COLEC12: variants seen among roughly 807,000 people sequenced by gnomAD.
The protein encoded by COLEC12 is collectin subfamily member 12, also known as collectin-12.
In COLEC12, 33 loss-of-function variants were observed where a neutral mutation model predicts 71.1. The ratio of observed to expected loss-of-function variants is 0.46; its 90% CI spans 0.35 to 0.62. The LOEUF (loss-of-function observed/expected upper bound fraction) is 0.62, where lower values mean the gene tolerates loss of function less well. COLEC12 is among the 20% of genes least tolerant of loss of function. The pLI, the probability that COLEC12 is intolerant of heterozygous loss-of-function variation, is 0.00. For synonymous variants in COLEC12, 350 were observed against 353.0 expected (o/e 0.99, Z 0.10); for missense variants, 765 against 916.1 (o/e 0.84, Z 2.13).
chr18:403,565 C>T (rs1164111121), intron 2 of COLEC12, among the ~76,000 whole-genome samples: 1 of 152,164 alleles, frequency 6.6e-6, no homozygotes, highest in African/African-American at 2.4e-5. Flanking sequence ...GCTTGTTTTC[C>T]TTTCAGTGAC....
chr18:330,737 T>C (rs893335928), intron 8 of COLEC12, among the ~76,000 whole-genome samples: 9 of 152,154 alleles, frequency 5.9e-5, no homozygotes, highest in African/African-American at 1.9e-4. Flanking sequence ...TATTCTTTGT[T>C]GCTCCTTTCA....
At chr18:495,008 G>C (rs1917683732) in intron 1 of COLEC12, among the ~76,000 whole-genome samples, 1 of 152,186 alleles carries the variant, frequency 6.6e-6, no homozygotes. Context: ...GAATATTCAT[G>C]ACAAATTCAG....
chr18:381,914 A>G (rs1009104750), intron 2 of COLEC12, among the ~76,000 whole-genome samples: 8 of 152,188 alleles, frequency 5.3e-5, no homozygotes, highest in African/African-American at 1.4e-4. Flanking sequence ...ACCTCTCATC[A>G]GGAAAATAAT....
intron 2 of COLEC12, among the ~76,000 whole-genome samples, chr18:463,623 T>C (rs1348508771): frequency 6.6e-6 from 1 of 152,122 alleles, no homozygotes; most frequent in Non-Finnish European, 1.5e-5. Context: ...CCTTCGGATC[T>C]CAGTGGACAG....
chr18:471,313 G>T (rs140431497), intron 2 of COLEC12, among the ~76,000 whole-genome samples: 32 of 151,842 alleles, frequency 2.1e-4, no homozygotes, highest in Non-Finnish European at 4.3e-4. Flanking sequence ...TATTCACTAA[G>T]ATTTGGAACT....
Position 399,948 on chromosome 18 carries a change from C to T in COLEC12, c.59-42426G>A, listed in dbSNP as rs964289850. ...AACGCTTGTTAAAGGGTGGTGGGGG[C>T]GGGTGGGGGATAGTGACTGAAGAGG... On this transcript the variant is annotated intron_variant, in intron 2 of 9. Coordinates refer to ENST00000400256, the MANE Select transcript of COLEC12 (RefSeq NM_130386.3). This position sits in a 1 kb window ranked among gnomAD's most constrained non-coding sequence, Gnocchi z 4.0. 6.8e-6 allele frequency among the ~76,000 whole-genome samples: 1 copy of T among 146,720 alleles called. No individual in the cohort carries two copies.
intron 2 of COLEC12, among the ~76,000 whole-genome samples, chr18:406,381 C>A (rs1422281418): frequency 6.6e-6 from 1 of 151,438 alleles, no homozygotes; most frequent in Non-Finnish European, 1.5e-5. Context: ...CGGTGGCGGG[C>A]GCCTGTAGTC....
chr18:426,777 T>A (rs764706984), intron 2 of COLEC12, among the ~76,000 whole-genome samples: 18 of 152,190 alleles, frequency 1.2e-4, no homozygotes, highest in Admixed American at 9.2e-4. Context: ...TTTATTTCTT[T>A]CAACAATCAT....
At chr18:385,375 CGTTCA>C (rs1163052048) in intron 2 of COLEC12, among the ~76,000 whole-genome samples, 2 of 135,192 alleles carry the variant, frequency 1.5e-5, no homozygotes, top group Non-Finnish European at 3.0e-5. Flanking sequence ...CCCAGGCTGG[CGTTCA>C]GTGGTGCGAT....
At chr18:492,595 C>A (rs1484323498) in intron 1 of COLEC12, among the ~76,000 whole-genome samples, 2 of 152,076 alleles carry the variant, frequency 1.3e-5, no homozygotes, top group African/African-American at 4.8e-5. Context: ...CAGAATGAGG[C>A]CTTGAATCTC....
At chr18:446,991 T>A (rs187340615) in intron 2 of COLEC12, among the ~76,000 whole-genome samples, 4 of 152,368 alleles carry the variant, frequency 2.6e-5, no homozygotes, top group African/African-American at 9.6e-5. Context: ...TGATCATTTA[T>A]AGTGTTTATC....
chr18:481,089 T>A (rs1284805803), intron 1 of COLEC12, among the ~76,000 whole-genome samples: 1 of 152,222 alleles, frequency 6.6e-6, no homozygotes, highest in Non-Finnish European at 1.5e-5. Flanking sequence ...TCCTCACATG[T>A]GTGCGTGAAT....
intron 2 of COLEC12, among the ~76,000 whole-genome samples, chr18:427,322 G>A (rs898826205): frequency 2.6e-5 from 4 of 151,002 alleles, no homozygotes; most frequent in African/African-American, 2.4e-5. Context: ...ATTCAGCTAC[G>A]CCAGCAATGC....
chr18:418,316 C>CA (rs1450983882), intron 2 of COLEC12, among the ~76,000 whole-genome samples: 2 of 151,982 alleles, frequency 1.3e-5, no homozygotes, highest in African/African-American at 2.4e-5. Flanking sequence ...TAAAATATCC[C>CA]AAATGGTGAT....
intron 2 of COLEC12, among the ~76,000 whole-genome samples, chr18:383,805 G>A (rs1031300757): frequency 2.0e-5 from 3 of 152,138 alleles, no homozygotes; most frequent in Admixed American, 1.3e-4. Flanking sequence ...ATAAAGGAAA[G>A]AAAGGAAAGA....
chr18:498,793 G>T (rs1917763083), intron 1 of COLEC12, among the ~76,000 whole-genome samples: 1 of 152,208 alleles, frequency 6.6e-6, no homozygotes, highest in South Asian at 2.1e-4. Context: ...CTAGACCACA[G>T]CGGGTAGGCC....
chr18:345,291 C>T (rs1330493803), intron 5 of COLEC12, among the ~76,000 whole-genome samples: 1 of 152,226 alleles, frequency 6.6e-6, no homozygotes, highest in East Asian at 1.9e-4. Context: ...AATTCTTCAA[C>T]TGTGGACTTA....
intron 2 of COLEC12, among the ~76,000 whole-genome samples, chr18:376,193 G>A (rs1008796971): frequency 4.6e-5 from 7 of 152,166 alleles, no homozygotes; most frequent in Non-Finnish European, 8.8e-5. Flanking sequence ...TCCACCCCAG[G>A]GGGTGGGAAG....
chr18:419,587 T>C (rs1916057818), intron 2 of COLEC12, among the ~76,000 whole-genome samples: 1 of 152,216 alleles, frequency 6.6e-6, no homozygotes, highest in Non-Finnish European at 1.5e-5. Flanking sequence ...AACAAAACAT[T>C]TGCTGTCAAC....
Sources: allele counts gnomAD v4.1 joint callset (sites outside exome capture counted in the v4.1 genomes callset), GRCh38; gene constraint gnomAD v4.1.1; non-coding constraint Gnocchi (gnomAD v3.1); transcripts MANE v1.5; gene names NCBI Gene and HGNC (gene_info 2026-07-23, HGNC 2026-07-21).